Variants in UBAC2 observed in about 807,000 individuals in gnomAD.
UBAC2 encodes ubiquitin-associated domain-containing protein 2.
Under a neutral mutation model 44.0 loss-of-function variants are expected in UBAC2, and 26 were observed. The observed-to-expected ratio is 0.59, with a 90% confidence interval of 0.43 to 0.82. UBAC2 has a LOEUF of 0.82. Among genes scored for constraint, UBAC2 ranks in the 40% least tolerant of loss-of-function variants. The pLI, the probability that UBAC2 is intolerant of heterozygous loss-of-function variation, is 0.00. For missense variants in UBAC2, 329 were observed against 419.4 expected (o/e 0.78, Z 1.88); for synonymous variants, 155 against 154.3 (o/e 1.00, Z -0.04).
At chr13:99,235,205 C>A (rs537306899) in intron 1 of UBAC2, among the ~76,000 whole-genome samples, 1 of 152,168 alleles carries the variant, frequency 6.6e-6, no homozygotes, top group African/African-American at 2.4e-5. Context: ...AAACAAAACA[C>A]CCAGGAATCA....
chr13:99,368,901 T>C (rs565933638), intron 8 of UBAC2, among the ~76,000 whole-genome samples: 90 of 151,886 alleles, frequency 5.9e-4, no homozygotes, highest in Non-Finnish European at 1.2e-3. Flanking sequence ...AGGATAGCCC[T>C]GGATCATCGT....
intron 4 of UBAC2, 138 bp downstream of exon 4, chr13:99,244,762 C>A: frequency 2.1e-6 from 1 of 487,730 alleles, no homozygotes; most frequent in South Asian, 3.7e-5. Flanking sequence ...TGTAAAAAGT[C>A]TAATCTATGC....
At chr13:99,293,307 C>T (rs143912952) in intron 4 of UBAC2, among the ~76,000 whole-genome samples, 1 of 152,020 alleles carries the variant, frequency 6.6e-6, no homozygotes, top group Admixed American at 6.5e-5. Flanking sequence ...CTCCCTTAGC[C>T]CAGAGAGGAC....
At chr13:99,228,437 C>T (rs527318156) in intron 1 of UBAC2, among the ~76,000 whole-genome samples, 30 of 151,330 alleles carry the variant, frequency 2.0e-4, no homozygotes, top group Non-Finnish European at 4.3e-4. Context: ...ACAGGCTCCC[C>T]CGCACCCCAC....
intron 4 of UBAC2, among the ~76,000 whole-genome samples, chr13:99,299,880 A>G (rs1407352733): frequency 1.3e-5 from 2 of 152,124 alleles, no homozygotes; most frequent in Non-Finnish European, 2.9e-5. Flanking sequence ...AAAAAATTGG[A>G]GTGGTTCTTA....
chr13:99,278,317 C>G (rs1249847200), intron 4 of UBAC2, among the ~76,000 whole-genome samples: 3 of 152,022 alleles, frequency 2.0e-5, no homozygotes, highest in African/African-American at 7.2e-5. Context: ...GAGTTGGTAC[C>G]AGGCAGTGGT....
intron 8 of UBAC2, among the ~76,000 whole-genome samples, chr13:99,368,700 T>A (rs1007159910): frequency 3.2e-4 from 49 of 151,502 alleles, no homozygotes; most frequent in African/African-American, 1.1e-3. Context: ...TGTGTGTGTG[T>A]GTGTGTGTGT....
chr13:99,303,857 G>C (rs1273295292), intron 4 of UBAC2, among the ~76,000 whole-genome samples: 1 of 152,176 alleles, frequency 6.6e-6, no homozygotes, highest in African/African-American at 2.4e-5. Flanking sequence ...GGATCTTACT[G>C]TGGTACTCAA....
intron 1 of UBAC2, among the ~76,000 whole-genome samples, chr13:99,208,743 G>C (rs1171259831): frequency 1.3e-5 from 2 of 152,192 alleles, no homozygotes; most frequent in African/African-American, 2.4e-5. Context: ...ATAGGAGGAG[G>C]AAGGAGAGGT....
chr13:99,339,502 C>G (rs948529697), intron 6 of UBAC2, among the ~76,000 whole-genome samples: 2 of 152,178 alleles, frequency 1.3e-5, no homozygotes, highest in Non-Finnish European at 2.9e-5. Flanking sequence ...GTGTGTAGCA[C>G]AGTCTCAAAG....
intron 4 of UBAC2, among the ~76,000 whole-genome samples, chr13:99,290,827 A>C (rs1445968760): frequency 6.6e-6 from 1 of 152,158 alleles, no homozygotes; most frequent in Non-Finnish European, 1.5e-5. Flanking sequence ...CACCACCTGA[A>C]TCCCATGAAT....
chr13:99,367,294 T>C (rs1338902107), intron 7 of UBAC2, among the ~76,000 whole-genome samples: 2 of 152,220 alleles, frequency 1.3e-5, no homozygotes, highest in Non-Finnish European at 2.9e-5. Context: ...GCGCTCAGGA[T>C]TTACTTCAGT....
intron 4 of UBAC2, among the ~76,000 whole-genome samples, chr13:99,309,225 C>G (rs1031174988): frequency 6.6e-6 from 1 of 152,060 alleles, no homozygotes; most frequent in Non-Finnish European, 1.5e-5. Context: ...ATTCTCCTGC[C>G]TCAGCCTCCC....
intron 2 of UBAC2, 144 bp from the exon 3 acceptor site, chr13:99,243,688 C>A: frequency 1.5e-6 from 1 of 687,646 alleles, no homozygotes; most frequent in Non-Finnish European, 2.4e-6. Flanking sequence ...AGAGAACATA[C>A]ATATATAGTT....
chr13:99,227,140 A>G (rs1036565048), intron 1 of UBAC2, among the ~76,000 whole-genome samples: 16 of 151,658 alleles, frequency 1.1e-4, no homozygotes, highest in African/African-American at 2.7e-4. Context: ...AGAGGTTGCA[A>G]TGAGCCGAGA....
At chr13:99,292,803 T>C (rs1232921502) in intron 4 of UBAC2, among the ~76,000 whole-genome samples, 1 of 152,004 alleles carries the variant, frequency 6.6e-6, no homozygotes, top group Non-Finnish European at 1.5e-5. Flanking sequence ...TTATTTAAAA[T>C]TGTTAATAAT....
At chr13:99,240,059 G>A (rs2296911) in intron 2 of UBAC2, among the ~76,000 whole-genome samples, 87,190 of 151,996 alleles carry the variant, frequency 0.57, 26,784 homozygotes, top group Non-Finnish European at 0.71. Context: ...TACAGGAAGC[G>A]TGCTTTGAGG....
chr13:99,211,680 T>C (rs774875177), intron 1 of UBAC2, among the ~76,000 whole-genome samples: 1 of 152,186 alleles, frequency 6.6e-6, no homozygotes. Flanking sequence ...GAGGAGCAGG[T>C]CTAGGATTTG....
At chr13:99,248,629 T>G (rs2043419092) in intron 4 of UBAC2, among the ~76,000 whole-genome samples, 1 of 152,208 alleles carries the variant, frequency 6.6e-6, no homozygotes, top group African/African-American at 2.4e-5. Context: ...GTGATCGACC[T>G]GCCTTGGCCT....
Sources: gnomAD v4.1 joint callset for allele counts (sites outside exome capture counted in the v4.1 genomes callset) on GRCh38, gnomAD v4.1.1 for gene constraint, MANE v1.5 for transcripts, NCBI Gene and HGNC (gene_info 2026-07-23, HGNC 2026-07-21) for gene names.